IPO13: variants seen among roughly 807,000 people sequenced by gnomAD.
IPO13 encodes the protein importin 13, also known as importin-13.
A neutral mutation model predicts 115.5 loss-of-function variants in IPO13; 28 were observed. That is an observed-to-expected ratio of 0.24 (90% CI 0.18 to 0.33). The LOEUF (loss-of-function observed/expected upper bound fraction) is 0.33. Ranked by LOEUF, IPO13 falls within the 10% of genes least tolerant of loss-of-function variation. IPO13 has a pLI of 1.00. For missense variants in IPO13, 785 were observed against 1,204.6 expected (o/e 0.65, Z 5.16); for synonymous variants, 414 against 478.9 (o/e 0.86, Z 1.77).
At chr1:43,953,873 G>C (rs139956037) in intron 2 of IPO13, among the ~76,000 whole-genome samples, 14 of 152,288 alleles carry the variant, frequency 9.2e-5, no homozygotes, top group African/African-American at 3.4e-4. Context: ...GGAAATTCTG[G>C]TTGGGCCCTG....
At chr1:43,955,734 A>C (rs1438860091) in intron 2 of IPO13, among the ~76,000 whole-genome samples, 1 of 152,178 alleles carries the variant, frequency 6.6e-6, no homozygotes, top group Non-Finnish European at 1.5e-5. Context: ...TCACATTTTG[A>C]GGTACTGGGG....
Position 43,967,804 on chromosome 1 carries a change from G to A in IPO13, c.*122G>A. On this transcript the variant is annotated 3_prime_UTR_variant, in exon 20 of 20. Coordinates refer to ENST00000372343, the MANE Select transcript of IPO13 (RefSeq NM_014652.4). The surrounding 1 kb of genome is among the most constrained non-coding windows in gnomAD (Gnocchi z 6.1). ...GTCACCACCACCTAACTGAAAGCCTGGGTCCAGAAGGCCTGGGGGAAGGAT... is the reference window on the plus strand; with the variant it reads ...GTCACCACCACCTAACTGAAAGCCTAGGTCCAGAAGGCCTGGGGGAAGGAT... 1.1e-6 allele frequency: 1 copy of A among 914,150 alleles called. No individual in the cohort carries two copies. Among genetic ancestry groups the A allele is most frequent in the Non-Finnish European group, 1.7e-6 (1 of 579,360 alleles). The allele number at this position is 914,150 out of a possible 1,614,324, so 56.6% of individuals were successfully genotyped here.
At chr1:43,960,174 C>T in intron 11 of IPO13, 75 bp from the exon 12 acceptor site, 2 of 1,424,176 alleles carry the variant, frequency 1.4e-6, no homozygotes, top group Non-Finnish European at 9.9e-7. Context: ...TCCCCTCCTC[C>T]CTGCCACCAA....
At chr1:43,964,735 G>A (rs1048819988) in intron 15 of IPO13, among the ~76,000 whole-genome samples, 8 of 152,194 alleles carry the variant, frequency 5.3e-5, no homozygotes, top group Non-Finnish European at 8.8e-5. Flanking sequence ...GCCTGCTCCT[G>A]AGAGGTAGGC....
At chr1:43,948,353 C>A (rs544585130) in intron 1 of IPO13, among the ~76,000 whole-genome samples, 2 of 152,358 alleles carry the variant, frequency 1.3e-5, no homozygotes, top group South Asian at 4.1e-4. Flanking sequence ...CTCTTTGGTT[C>A]TTTTCTGTAT....
At position 43,951,610 on chromosome 1, in the gene IPO13, C is replaced by T. The variant is rs145001393; in HGVS notation, c.821+1457C>T. ...CCAAGTTTAAGATTTTGATCTTCAT[C>T]CTGAAGACGATATAAAGATATTAAA... On this transcript the variant is annotated intron_variant, in intron 2 of 19. Transcript: ENST00000372343. Among the ~76,000 whole-genome samples, 426 of 152,246 alleles carry T rather than the reference C, an allele frequency of 2.8e-3. 4 individuals are homozygous for T. Among genetic ancestry groups the T allele is most frequent in the African/African-American group, 9.8e-3 (406 of 41,530 alleles).
chr1:43,966,906 G>A lies in IPO13; in HGVS notation c.2524-24G>A. 6.2e-7 allele frequency: 1 copy of A among 1,612,012 alleles called. No homozygotes were observed. Among genetic ancestry groups the A allele is most frequent in the Non-Finnish European group, 8.5e-7 (1 of 1,178,416 alleles). Reference sequence around the variant, plus strand: ...GGGAGAGCTGGGAAGGAGCTGGGCTGATGGGCCTCTCCATCCTCTGCAGAC... The same window carrying A: ...GGGAGAGCTGGGAAGGAGCTGGGCTAATGGGCCTCTCCATCCTCTGCAGAC... On this transcript the variant is annotated intron_variant, in intron 17 of 19. Transcript: ENST00000372343. This position sits in a 1 kb window ranked among gnomAD's most constrained non-coding sequence, Gnocchi z 4.1.
In IPO13 at chr1:43,947,267, C is replaced by T. The variant is rs1019331504; in HGVS notation, c.-334C>T. 1.5e-5 allele frequency: 6 copies of T among 398,978 alleles called. No homozygotes were observed. The highest frequency in any genetic ancestry group is 2.2e-5 in the Non-Finnish European group (5 of 226,316). 24.7% of individuals were successfully genotyped at this position (398,978 alleles called of 1,614,324 possible). A position where few individuals can be genotyped will look rare whatever the true frequency, so the allele number is the denominator to read the frequency against. On this transcript the variant is annotated 5_prime_UTR_variant, in exon 1 of 20. Transcript: ENST00000372343. ...TCAAGAGCCAGGGACTCGGTTTCCCCCGCAGGCCTCCCTCCCCTGTGACTC... is the reference window on the plus strand; with the variant it reads ...TCAAGAGCCAGGGACTCGGTTTCCCTCGCAGGCCTCCCTCCCCTGTGACTC...
chr1:43,960,728 G>A lies in IPO13; in HGVS notation c.2110-148G>A, dbSNP rs536638140. 4 of 1,027,262 alleles carry A rather than the reference G, an allele frequency of 3.9e-6. No homozygotes were observed. The South Asian group carries it at 4.7e-5, about 12-fold the overall frequency. The allele number at this position is 1,027,262 out of a possible 1,614,324, so 63.6% of individuals were successfully genotyped here. On this transcript the variant is annotated intron_variant, in intron 12 of 19. Transcript: ENST00000372343. ...TTTGCCCCCTGCCTTTCAGGGTGAGGGTCAGACTTGCTTACCTTCCTTGGT... is the reference window on the plus strand; with the variant it reads ...TTTGCCCCCTGCCTTTCAGGGTGAGAGTCAGACTTGCTTACCTTCCTTGGT...
intron 15 of IPO13, among the ~76,000 whole-genome samples, chr1:43,965,787 G>T (rs1407867806): frequency 6.6e-6 from 1 of 151,508 alleles, no homozygotes; most frequent in African/African-American, 2.4e-5. Flanking sequence ...GGATGTGAGG[G>T]GCTGGAGGGT....
At position 43,967,819 on chromosome 1, in the gene IPO13, G is replaced by C; in HGVS notation, c.*137G>C. The stretch of plus-strand genomic sequence containing the variant: ...CTGAAAGCCTGGGTCCAGAAGGCCT[G>C]GGGGAAGGATGGGAGGATGCTTGGA... On this transcript the variant is annotated 3_prime_UTR_variant, in exon 20 of 20. Transcript: ENST00000372343. This position sits in a 1 kb window ranked among gnomAD's most constrained non-coding sequence, Gnocchi z 6.1. The C allele has an allele frequency of 1.2e-6, 1 of 812,290 alleles. No individual in the cohort carries two copies. Among genetic ancestry groups the C allele is most frequent in the Non-Finnish European group, 2.0e-6 (1 of 494,944 alleles). The allele number at this position is 812,290 out of a possible 1,614,324, so 50.3% of individuals were successfully genotyped here. A position where few individuals can be genotyped will look rare whatever the true frequency, so the allele number is the denominator to read the frequency against.
In IPO13 at chr1:43,956,005, C is replaced by CAAA. The variant is rs5773817; in HGVS notation, c.822-295_822-293dup. Reference sequence around the variant, plus strand: ...TGGGTAACACAGCAAAACCCCATCTCAAAAAAAAAAAAAAAAAAAAAATCT... The same window carrying CAAA: ...TGGGTAACACAGCAAAACCCCATCTCAAAAAAAAAAAAAAAAAAAAAAAAATCT... On this transcript the variant is annotated intron_variant, in intron 2 of 19. Coordinates refer to ENST00000372343, the MANE Select transcript of IPO13 (RefSeq NM_014652.4). This position sits in a 1 kb window ranked among gnomAD's most constrained non-coding sequence, Gnocchi z 4.7. 7.9e-5 allele frequency among the ~76,000 whole-genome samples: 9 copies of CAAA among 113,872 alleles called. No homozygotes were observed. Among genetic ancestry groups the CAAA allele is most frequent in the Admixed American group, 2.8e-4 (3 of 10,646 alleles). 74.7% of individuals were successfully genotyped at this position (113,872 alleles called of 152,430 possible). A position where few individuals can be genotyped will look rare whatever the true frequency, so the allele number is the denominator to read the frequency against.
At chr1:43,959,033 C>T in intron 11 of IPO13, 144 bp downstream of exon 11, 3 of 757,232 alleles carry the variant, frequency 4.0e-6, no homozygotes, top group Non-Finnish European at 6.4e-6. Context: ...ATATTTGGTC[C>T]TCTGACTCCA....
chr1:43,957,243 C>T lies in IPO13; in HGVS notation c.1320C>T (p.Ala440=), dbSNP rs1200624725. ...TLMYVYEMLG[A]ELLSNLYDKL... ...TGTATGTCTATGAGATGTTGGGGGC[C>T]GAGCTGCTCAGCAACCTCTATGACA... Residue 440 remains alanine (A), a synonymous_variant, in exon 6 of 20, where the codon GCC becomes GCT. Coordinates refer to ENST00000372343, the MANE Select transcript of IPO13 (RefSeq NM_014652.4). 3.1e-6 allele frequency: 5 copies of T among 1,614,038 alleles called. No individual in the cohort carries two copies. The highest frequency in any genetic ancestry group is 4.2e-6 in the Non-Finnish European group (5 of 1,179,988).
intron 2 of IPO13, among the ~76,000 whole-genome samples, chr1:43,951,570 C>T (rs1557630620): frequency 6.6e-6 from 1 of 152,188 alleles, no homozygotes; most frequent in African/African-American, 2.4e-5. Context: ...GGGCCCAGAT[C>T]ATGCAGGACC....
intron 2 of IPO13, chr1:43,953,265 G>C (rs941279399): frequency 2.0e-5 from 3 of 152,374 alleles, no homozygotes. Context: ...AGCAGCAGCA[G>C]AGGAGTCCCA....
chr1:43,960,450 C>A, intron 12 of IPO13, 121 bp downstream of exon 12: 1 of 870,826 alleles, frequency 1.1e-6, no homozygotes, highest in Non-Finnish European at 1.9e-6. Flanking sequence ...GTGAATCCTG[C>A]CCCATAGAGA....
chr1:43,960,115 C>A, intron 11 of IPO13, 134 bp from the exon 12 acceptor site: 3 of 751,414 alleles, frequency 4.0e-6, no homozygotes, highest in Non-Finnish European at 2.4e-6. Context: ...CCAGGGGTCC[C>A]ATGCCCTGGG....
chr1:43,957,704 G>T lies in IPO13; in HGVS notation c.1540+155G>T, dbSNP rs557704310. Among the ~76,000 whole-genome samples the T allele has an allele frequency of 2.6e-5, 4 of 152,304 alleles. No homozygotes were observed. In the East Asian group the frequency reaches 5.8e-4, roughly 22 times the overall value. ...ACTGACTGTCCTGGCAGGTCTAGGG[G>T]GTCCATCTGATGGCACACTGAGCTG... On this transcript the variant is annotated intron_variant, in intron 7 of 19. Transcript: ENST00000372343.
Sources: allele counts gnomAD v4.1 joint callset (sites outside exome capture counted in the v4.1 genomes callset), GRCh38; gene constraint gnomAD v4.1.1; non-coding constraint Gnocchi (gnomAD v3.1); transcripts MANE v1.5; gene names NCBI Gene and HGNC (gene_info 2026-07-23, HGNC 2026-07-21).